Variants in ARHGAP26 observed in about 807,000 individuals in gnomAD.
The protein encoded by ARHGAP26 is Rho GTPase activating protein 26.
In ARHGAP26, 38 loss-of-function variants were observed where a neutral mutation model predicts 104.8. The ratio of observed to expected loss-of-function variants is 0.36; its 90% confidence interval spans 0.28 to 0.48. ARHGAP26 has a LOEUF of 0.48. Ranked by LOEUF, ARHGAP26 falls within the 20% of genes least tolerant of loss-of-function variation. The pLI, the probability that ARHGAP26 is intolerant of heterozygous loss-of-function variation, is 0.99. For missense variants in ARHGAP26, 704 were observed against 947.9 expected, an observed-to-expected ratio of 0.74 and a Z score of 3.38; for synonymous variants, 341 against 340.0, an observed-to-expected ratio of 1.00 and a Z score of -0.03.
chr5:143,199,641 G>A (rs1180801548), intron 20 of ARHGAP26, among the ~76,000 whole-genome samples: 3 of 152,126 alleles, frequency 2.0e-5, no homozygotes, highest in Non-Finnish European at 2.9e-5. Context: ...AACCTGGAAG[G>A]GGAACTGACA....
At chr5:143,142,028 C>T (rs1166745246) in intron 19 of ARHGAP26, among the ~76,000 whole-genome samples, 1 of 151,734 alleles carries the variant, frequency 6.6e-6, no homozygotes, top group East Asian at 1.9e-4. Flanking sequence ...AGTCTGTCCA[C>T]ACAGAACCAA....
At chr5:143,127,052 C>G (rs1796806809) in intron 18 of ARHGAP26, among the ~76,000 whole-genome samples, 2 of 152,142 alleles carry the variant, frequency 1.3e-5, no homozygotes, top group Admixed American at 1.3e-4. Context: ...ATATTTATTA[C>G]AAGGTTTTCC....
chr5:143,127,735 T>C (rs781693828), intron 18 of ARHGAP26, among the ~76,000 whole-genome samples: 1 of 152,244 alleles, frequency 6.6e-6, no homozygotes, highest in Non-Finnish European at 1.5e-5. Flanking sequence ...TTGAAATCCA[T>C]TGGACTAGTT....
At chr5:143,088,140 C>T (rs745579439) in intron 17 of ARHGAP26, among the ~76,000 whole-genome samples, 18 of 152,186 alleles carry the variant, frequency 1.2e-4, no homozygotes, top group Non-Finnish European at 2.5e-4. Flanking sequence ...TCAAAAGTTC[C>T]CCATTTTATG....
At chr5:142,922,383 C>T (rs1236295137) in intron 10 of ARHGAP26, among the ~76,000 whole-genome samples, 1 of 152,008 alleles carries the variant, frequency 6.6e-6, no homozygotes, top group African/African-American at 2.4e-5. Context: ...AGTTGAAAAT[C>T]AGCTGTCCTA....
At chr5:143,155,441 C>T in intron 20 of ARHGAP26, among the ~76,000 whole-genome samples, 1 of 152,196 alleles carries the variant, frequency 6.6e-6, no homozygotes, top group South Asian at 2.1e-4. Flanking sequence ...CTGGGCTTCC[C>T]TTGGTTGAGG....
At chr5:142,851,941 C>T (rs1208682014) in intron 1 of ARHGAP26, among the ~76,000 whole-genome samples, 1 of 152,170 alleles carries the variant, frequency 6.6e-6, no homozygotes, top group Non-Finnish European at 1.5e-5. Context: ...AGGGTTCACT[C>T]TACATAGGCA....
chr5:143,112,855 A>C (rs1490144596), intron 17 of ARHGAP26, among the ~76,000 whole-genome samples: 1 of 152,254 alleles, frequency 6.6e-6, no homozygotes, highest in Non-Finnish European at 1.5e-5. Context: ...TTATCTGTTC[A>C]TCCATCAGTA....
chr5:142,821,849 G>A (rs1766260188), intron 1 of ARHGAP26, among the ~76,000 whole-genome samples: 1 of 152,098 alleles, frequency 6.6e-6, no homozygotes, highest in Non-Finnish European at 1.5e-5. Context: ...TCTCATCTTT[G>A]CCCCTTACGT....
At chr5:143,082,360 C>G (rs1447725464) in intron 17 of ARHGAP26, among the ~76,000 whole-genome samples, 2 of 152,178 alleles carry the variant, frequency 1.3e-5, no homozygotes, top group African/African-American at 4.8e-5. Context: ...AAGAAATGCT[C>G]TCATCACTAT....
chr5:143,009,926 C>T (rs537503560), intron 11 of ARHGAP26, among the ~76,000 whole-genome samples: 1,752 of 152,258 alleles, frequency 0.012, 34 homozygotes, highest in African/African-American at 0.04. Flanking sequence ...TTGGGTTGCT[C>T]CTGGAGAGTT....
intron 11 of ARHGAP26, among the ~76,000 whole-genome samples, chr5:142,982,900 T>C (rs914687902): frequency 2.0e-5 from 3 of 152,164 alleles, no homozygotes; most frequent in African/African-American, 7.2e-5. Context: ...TTTCCCTGTG[T>C]GTTGTCCTGA....
At chr5:142,953,761 C>G (rs1428326418) in intron 11 of ARHGAP26, among the ~76,000 whole-genome samples, 2 of 152,174 alleles carry the variant, frequency 1.3e-5, no homozygotes, top group Admixed American at 6.5e-5. Flanking sequence ...TTTACCGTGT[C>G]CCCTGTTTTC....
chr5:142,770,946 C>T (rs1205856937), intron 1 of ARHGAP26, 31 bp downstream of exon 1: 1 of 1,580,494 alleles, frequency 6.3e-7, no homozygotes, highest in Non-Finnish European at 8.6e-7. Flanking sequence ...GGGGACGCGG[C>T]TCCGGGGCGG....
chr5:143,014,043 A>G, intron 11 of ARHGAP26, 37 bp from the exon 12 acceptor site: 1 of 1,610,728 alleles, frequency 6.2e-7, no homozygotes, highest in Non-Finnish European at 8.5e-7. Context: ...GGGTGGCATA[A>G]AATGCACATA....
intron 1 of ARHGAP26, chr5:142,859,514 C>T (rs561016041): frequency 6.6e-6 from 1 of 152,216 alleles, no homozygotes; most frequent in African/African-American, 2.4e-5. Flanking sequence ...TTAGTATGAA[C>T]TCTTCTGTTC....
At chr5:143,153,000 C>T (rs538987762) in intron 20 of ARHGAP26, among the ~76,000 whole-genome samples, 10 of 152,150 alleles carry the variant, frequency 6.6e-5, no homozygotes, top group Non-Finnish European at 1.5e-4. Flanking sequence ...AGTAAACTGA[C>T]ACAAGTCCTG....
At chr5:142,987,999 C>T (rs1018398412) in intron 11 of ARHGAP26, among the ~76,000 whole-genome samples, 4 of 152,142 alleles carry the variant, frequency 2.6e-5, no homozygotes, top group Non-Finnish European at 1.5e-5. Context: ...CAGGATGATG[C>T]TGGCCTCATA....
At chr5:142,853,468 G>A (rs1300188876) in intron 1 of ARHGAP26, among the ~76,000 whole-genome samples, 1 of 152,168 alleles carries the variant, frequency 6.6e-6, no homozygotes, top group Non-Finnish European at 1.5e-5. Context: ...TAGGATTATA[G>A]ACGTGAGCCA....
Sources: allele counts gnomAD v4.1 joint callset (sites outside exome capture counted in the v4.1 genomes callset), GRCh38; gene constraint gnomAD v4.1.1; transcripts MANE v1.5; gene names NCBI Gene and HGNC (gene_info 2026-07-23, HGNC 2026-07-21).